The following EGF variants were observed in gnomAD, a reference collection of about 807,000 sequenced individuals.
EGF encodes the protein pro-epidermal growth factor.
Under a neutral mutation model 143.8 loss-of-function variants are expected in EGF, and 95 were observed. That is an observed-to-expected ratio of 0.66 (90% CI 0.56 to 0.78). The LOEUF (loss-of-function observed/expected upper bound fraction) is 0.78. EGF is among the 30% of genes least tolerant of loss of function. EGF has a pLI of 0.00. For synonymous variants in EGF, 510 were observed against 510.5 expected, an observed-to-expected ratio of 1.00 and a Z score of 0.01; for missense variants, 1,320 against 1,470.9, an observed-to-expected ratio of 0.90 and a Z score of 1.68.
intron 10 of EGF, among the ~76,000 whole-genome samples, chr4:109,968,162 C>T (rs1186512326): frequency 2.0e-5 from 3 of 152,116 alleles, no homozygotes; most frequent in African/African-American, 2.4e-5. Flanking sequence ...TATCATCTTA[C>T]GGAATCACCA....
chr4:109,945,642 G>T (rs1000322480), intron 5 of EGF, among the ~76,000 whole-genome samples: 1 of 152,138 alleles, frequency 6.6e-6, no homozygotes, highest in African/African-American at 2.4e-5. Context: ...ATATATACAT[G>T]GGAGAAATCC....
At chr4:109,963,369 G>A in intron 9 of EGF, 71 bp downstream of exon 9, 2 of 1,599,206 alleles carry the variant, frequency 1.3e-6, no homozygotes, top group Non-Finnish European at 1.7e-6. Flanking sequence ...TTAGAAAGAT[G>A]GAAAGTTAAC....
At chr4:109,951,249 T>C (rs934118339) in intron 5 of EGF, among the ~76,000 whole-genome samples, 6 of 151,958 alleles carry the variant, frequency 3.9e-5, no homozygotes, top group African/African-American at 1.5e-4. Context: ...TCCCAGCTAT[T>C]TGGGAGGCTG....
chr4:109,935,556 G>T (rs1377306671), intron 1 of EGF, among the ~76,000 whole-genome samples: 1 of 151,992 alleles, frequency 6.6e-6, no homozygotes. Flanking sequence ...TCTTCCTCTT[G>T]CCTGATTGCC....
rs769930395 is a variant in EGF at position 109,960,921 on chromosome 4, C to T, written c.1121C>T (p.Thr374Ile). Residue 374 changes from threonine to isoleucine, a missense_variant, in exon 7 of 24, where the codon ACC (threonine) becomes ATC (isoleucine). This residue lies in a region of EGF where 1,186 missense variants were observed against 1,313.7 expected (regional missense o/e 0.90). Transcript: ENST00000265171. ...NHGCTLGCKN[T>I]PGSYYCTCPV... ...GGCTGTACTCTTGGGTGTAAAAACA[C>T]CCCTGGATCCTATTACTGCACGTGC... The T allele has an allele frequency of 3.7e-6, 6 of 1,613,782 alleles. No homozygotes were observed. The highest frequency in any genetic ancestry group is 1.7e-5 in the Admixed American group (1 of 59,974).
At chr4:109,961,842 A>G in intron 7 of EGF, 21 bp from the exon 8 acceptor site, 1 of 1,613,172 alleles carries the variant, frequency 6.2e-7, no homozygotes. Context: ...ACTAATCTTG[A>G]CCTTGTTCTT....
At chr4:109,994,930 T>C (rs1280241745) in intron 20 of EGF, 50 bp downstream of exon 20, 9 of 1,611,632 alleles carry the variant, frequency 5.6e-6, no homozygotes, top group Non-Finnish European at 7.6e-6. Flanking sequence ...ATTCAGTCCA[T>C]AACTTGTAGC....
intron 23 of EGF, 76 bp from the exon 24 acceptor site, chr4:110,011,126 A>C: frequency 1.0e-5 from 16 of 1,550,226 alleles, no homozygotes; most frequent in Non-Finnish European, 1.4e-5. Context: ...TTCTTCAACC[A>C]CTACCGTTTA....
At chr4:109,999,399 A>C (rs961505315) in intron 20 of EGF, among the ~76,000 whole-genome samples, 4 of 152,226 alleles carry the variant, frequency 2.6e-5, no homozygotes, top group African/African-American at 9.6e-5. Context: ...TTAGCCTAAC[A>C]GAAACTGATC....
chr4:109,921,178 T>G (rs547435214), intron 1 of EGF, among the ~76,000 whole-genome samples: 1 of 151,710 alleles, frequency 6.6e-6, no homozygotes, highest in South Asian at 2.1e-4. Flanking sequence ...CAATATGTCT[T>G]TCTTTAGGAG....
At chr4:109,974,271 A>G (rs182758452) in intron 11 of EGF, among the ~76,000 whole-genome samples, 1 of 152,288 alleles carries the variant, frequency 6.6e-6, no homozygotes, top group African/African-American at 2.4e-5. Flanking sequence ...AATTAAAGCC[A>G]ATGTAAATCT....
intron 10 of EGF, among the ~76,000 whole-genome samples, chr4:109,967,860 T>G (rs1334521421): frequency 2.0e-5 from 3 of 152,140 alleles, no homozygotes; most frequent in South Asian, 2.1e-4. Context: ...TAGTAAAAAT[T>G]TGTGTATCTA....
intron 5 of EGF, among the ~76,000 whole-genome samples, chr4:109,958,701 G>T (rs2126050552): frequency 6.6e-6 from 1 of 152,112 alleles, no homozygotes; most frequent in East Asian, 1.9e-4. Flanking sequence ...GGCTGAGGTG[G>T]GCAGATCACT....
At chr4:109,926,447 C>T (rs1222739917) in intron 1 of EGF, among the ~76,000 whole-genome samples, 2 of 151,354 alleles carry the variant, frequency 1.3e-5, no homozygotes, top group Non-Finnish European at 2.9e-5. Flanking sequence ...CTCCACCTCT[C>T]GGGTTCACGC....
In EGF at chr4:109,930,644, T is replaced by C. The variant is rs534757136; in HGVS notation, c.128-10302T>C. ...TCATTTATGTGTTAACTAGCTCTCA[T>C]GAGTGTTTGCCCCCAAGGCCTGCAG... On this transcript the variant is annotated intron_variant, in intron 1 of 23. Coordinates refer to ENST00000265171, the MANE Select transcript of EGF (RefSeq NM_001963.6). Among the ~76,000 whole-genome samples, 15 of 152,342 alleles carry C rather than the reference T, an allele frequency of 9.8e-5. No homozygotes were observed. In the South Asian group the frequency reaches 1.5e-3, roughly 15 times the overall value.
intron 15 of EGF, among the ~76,000 whole-genome samples, chr4:109,982,245 G>A (rs1361054549): frequency 6.6e-6 from 1 of 151,976 alleles, no homozygotes; most frequent in African/African-American, 2.4e-5. Flanking sequence ...CTGGCCTCAA[G>A]TGGTCTTCCC....
Position 109,988,608 on chromosome 4 carries a change from T to A in EGF, c.2633T>A (p.Val878Asp). The A allele has an allele frequency of 6.2e-7, 1 of 1,614,082 alleles. No individual in the cohort carries two copies. The highest frequency in any genetic ancestry group is 8.5e-7 in the Non-Finnish European group (1 of 1,179,934). ...GATATAGATGAATGTGAGATGGGTG[T>A]CCCAGTGTGCCCCCCTGCCTCCTCC... ...CSDIDECEMGVPVCPPASSKC... is the reference protein window; with the variant it reads ...CSDIDECEMGDPVCPPASSKC... Residue 878 changes from valine to aspartate, a missense_variant, in exon 18 of 24, where the codon GTC becomes GAC. Val to Asp is a radical substitution (Grantham distance 152). Coordinates refer to ENST00000265171, the MANE Select transcript of EGF (RefSeq NM_001963.6).
At chr4:109,941,785 C>T (rs542371334) in intron 2 of EGF, among the ~76,000 whole-genome samples, 12 of 151,882 alleles carry the variant, frequency 7.9e-5, no homozygotes, top group African/African-American at 2.7e-4. Context: ...GCTTGCACTC[C>T]GCAAAAAAAA....
chr4:109,962,093 T>C, intron 8 of EGF, 108 bp downstream of exon 8: 6 of 1,529,800 alleles, frequency 3.9e-6, no homozygotes, highest in Admixed American at 3.4e-5. Flanking sequence ...TTTCCAATAT[T>C]GTATACTGAA....
Sources: allele counts gnomAD v4.1 joint callset (sites outside exome capture counted in the v4.1 genomes callset), GRCh38; gene constraint gnomAD v4.1.1; regional missense constraint gnomAD v4.1.1; transcripts MANE v1.5; gene names NCBI Gene and HGNC (gene_info 2026-07-23, HGNC 2026-07-21).